WIPF1: variants seen among roughly 807,000 people sequenced by gnomAD.
The protein encoded by WIPF1 is WAS/WASL-interacting protein family member 1.
WIPF1 carries 13 observed loss-of-function variants against 35.4 expected under a neutral mutation model. The ratio of observed to expected loss-of-function variants is 0.37; its 90% CI spans 0.24 to 0.58. The LOEUF (loss-of-function observed/expected upper bound fraction) is 0.58, where lower values mean the gene tolerates loss of function less well. Among genes scored for constraint, WIPF1 ranks in the 20% least tolerant of loss-of-function variants. WIPF1 has a pLI of 0.74. For missense variants in WIPF1, 591 were observed against 667.0 expected (o/e 0.89, Z 1.25); for synonymous variants, 267 against 266.3 (o/e 1.00, Z -0.02).
At position 174,571,396 on chromosome 2, in the gene WIPF1, ATG is replaced by A; in HGVS notation, c.1129+278_1129+279del. 1 of 606,754 alleles carries A rather than the reference ATG, an allele frequency of 1.6e-6. No individual in the cohort carries two copies. The highest frequency in any genetic ancestry group is 2.9e-6 in the Non-Finnish European group (1 of 342,184). The allele number at this position is 606,754 out of a possible 1,614,324, so 37.6% of individuals were successfully genotyped here. A position where few individuals can be genotyped will look rare whatever the true frequency, so the allele number is the denominator to read the frequency against. ...GGCAAGTACACTTCAGAGATGGAAG[ATG>A]AAAGTTCTTGCCTCTTCTTTATTAA... On this transcript the variant is annotated intron_variant, in intron 5 of 7. Transcript: ENST00000679041. This position sits in a 1 kb window ranked among gnomAD's most constrained non-coding sequence, Gnocchi z 4.6.
intron 1 of WIPF1, among the ~76,000 whole-genome samples, chr2:174,671,082 C>T (rs1688008366): frequency 6.6e-6 from 1 of 152,166 alleles, no homozygotes; most frequent in African/African-American, 2.4e-5. Context: ...TACATGTGTG[C>T]AGATGCAACT....
intron 1 of WIPF1, among the ~76,000 whole-genome samples, chr2:174,670,019 T>C (rs1041778268): frequency 2.6e-5 from 4 of 152,154 alleles, no homozygotes; most frequent in African/African-American, 7.2e-5. Context: ...GGGAGGGCAC[T>C]CTTGCAAGAG....
intron 1 of WIPF1, among the ~76,000 whole-genome samples, chr2:174,659,947 A>C (rs947511358): frequency 4.0e-5 from 6 of 151,512 alleles, no homozygotes; most frequent in Admixed American, 3.3e-4. Flanking sequence ...TTGTCACTCC[A>C]GCGTAATTAT....
chr2:174,609,497 C>T (rs1686278418), intron 1 of WIPF1, among the ~76,000 whole-genome samples: 2 of 152,164 alleles, frequency 1.3e-5, no homozygotes, highest in African/African-American at 4.8e-5. Context: ...TCACACCCAC[C>T]GTGATCCTAC....
Position 174,572,360 on chromosome 2 carries a change from T to G in WIPF1, c.445A>C (p.Arg149=). 6.2e-7 allele frequency: 1 copy of G among 1,614,006 alleles called. No individual in the cohort carries two copies. The highest frequency in any genetic ancestry group is 8.5e-7 in the Non-Finnish European group (1 of 1,179,986). Reference sequence around the variant, plus strand: ...TGGCCTGGAGAAGGCACAGGAAACCTCCCTGGGCCACTTGGGGGTGAAAAG... The same window carrying G: ...TGGCCTGGAGAAGGCACAGGAAACCGCCCTGGGCCACTTGGGGGTGAAAAG... ...KPFSPPSGPG[R]FPVPSPGHRS... is the part of the protein sequence containing the mutation. Residue 149 remains arginine (R), a synonymous_variant, in exon 5 of 8, where the codon AGG becomes CGG. Coordinates refer to ENST00000679041, the MANE Select transcript of WIPF1 (RefSeq NM_001375834.1).
chr2:174,576,428 CTATTG>C (rs1218845017), intron 3 of WIPF1, among the ~76,000 whole-genome samples: 2 of 152,016 alleles, frequency 1.3e-5, no homozygotes, highest in Admixed American at 6.5e-5. Flanking sequence ...TTAAAGGATT[CTATTG>C]TATTGTAGAA....
intron 1 of WIPF1, among the ~76,000 whole-genome samples, chr2:174,677,473 A>T (rs924196439): frequency 1.8e-4 from 28 of 152,330 alleles, no homozygotes; most frequent in Admixed American, 1.6e-3. Flanking sequence ...GGATAGGGTG[A>T]ATTTCAAGCC....
chr2:174,584,877 T>C, intron 2 of WIPF1, among the ~76,000 whole-genome samples: 1 of 149,620 alleles, frequency 6.7e-6, no homozygotes, highest in Non-Finnish European at 1.5e-5. Context: ...GCCATTGCAC[T>C]CCAGCCTGGG....
At chr2:174,621,968 G>A (rs1307682859) in intron 1 of WIPF1, among the ~76,000 whole-genome samples, 3 of 152,162 alleles carry the variant, frequency 2.0e-5, no homozygotes, top group Non-Finnish European at 4.4e-5. Flanking sequence ...AGAACAATGA[G>A]GAAGCCCGCT....
chr2:174,653,761 A>AT (rs1687587118), intron 1 of WIPF1, among the ~76,000 whole-genome samples: 1 of 151,586 alleles, frequency 6.6e-6, no homozygotes. Flanking sequence ...AAAAAAAAAA[A>AT]AGAAACAGAG....
rs139293991 is a variant in WIPF1 at position 174,681,199 on chromosome 2, C to T, written c.-39+1575G>A. On this transcript the variant is annotated intron_variant, in intron 1 of 8. Coordinates refer to the WIPF1 transcript ENST00000272746. ...AGTCCCAGGGAGGAAGACAATATTA[C>T]GGAACTGGTTTCATAACATCTGCAG... Among the ~76,000 whole-genome samples the T allele has an allele frequency of 8.2e-3, 1,243 of 152,302 alleles. 7 individuals carry two copies. Among genetic ancestry groups the T allele is most frequent in the Non-Finnish European group, 0.013 (886 of 68,024 alleles).
At chr2:174,593,045 G>C (rs1685674491) in intron 1 of WIPF1, among the ~76,000 whole-genome samples, 1 of 148,670 alleles carries the variant, frequency 6.7e-6, no homozygotes, top group Non-Finnish European at 1.5e-5. Flanking sequence ...TTATATTGTA[G>C]AGAATACAAA....
rs753631604 is a variant in WIPF1, at chr2:174,572,051, G to A, written c.754C>T (p.Leu252=). 6.4e-7 allele frequency: 1 copy of A among 1,552,118 alleles called. No individual in the cohort carries two copies. The highest frequency in any genetic ancestry group is 8.7e-7 in the Non-Finnish European group (1 of 1,151,496). Residue 252 remains leucine, a synonymous_variant, in exon 5 of 8, where the codon CTG becomes TTG. Transcript: ENST00000679041. ...AAGGCCCTGCTGGGGGTAGGCGGCA[G>A]GGGAGGCCGGTTGGAGAAGGGCGAG... ...SSSPFSNRPP[L]PPTPSRALDD... is the part of the protein sequence containing the mutation.
chr2:174,634,637 C>T (rs557923491), intron 1 of WIPF1: 1 of 152,338 alleles, frequency 6.6e-6, no homozygotes, highest in South Asian at 2.1e-4. Context: ...TTCTTTGACT[C>T]GCCTCCCTAA....
At chr2:174,582,650 TG>T in intron 2 of WIPF1, among the ~76,000 whole-genome samples, 1 of 152,310 alleles carries the variant, frequency 6.6e-6, no homozygotes, top group Middle Eastern at 3.4e-3. Flanking sequence ...CTCGAACTCT[TG>T]GGCTCAAGTG....
chr2:174,607,179 G>T (rs56269872), intron 1 of WIPF1, among the ~76,000 whole-genome samples: 1 of 151,914 alleles, frequency 6.6e-6, no homozygotes, highest in Non-Finnish European at 1.5e-5. Context: ...TGAGGCAGGC[G>T]GATCACGAGG....
Position 174,571,947 on chromosome 2 carries a change from A to G in WIPF1, c.858T>C (p.Pro286=), listed in dbSNP as rs1684868105. ...GCACTGGAGGCTTGTTGTTCTGAGG[A>G]GGAGGAGGGGGAACCGCTTCCCTGT... is the stretch of plus-strand genomic sequence containing the variant. ...SIHREAVPPP[P]PQNNKPPVPS... is the part of the protein sequence containing the mutation. The change falls in exon 5 of 8, where the codon CCT becomes CCC. Residue 286 remains proline, a synonymous_variant. Transcript: ENST00000679041. This position sits in a 1 kb window ranked among gnomAD's most constrained non-coding sequence, Gnocchi z 4.6. The G allele has an allele frequency of 1.3e-6, 2 of 1,584,346 alleles. No individual in the cohort carries two copies. The highest frequency in any genetic ancestry group is 1.7e-6 in the Non-Finnish European group (2 of 1,166,264).
At chr2:174,646,915 A>G (rs1037996560) in intron 1 of WIPF1, among the ~76,000 whole-genome samples, 19 of 152,216 alleles carry the variant, frequency 1.2e-4, no homozygotes, top group Admixed American at 1.2e-3. Flanking sequence ...ACGCAGAGCC[A>G]TGAACTTTAT....
At chr2:174,661,061 A>G (rs1687748734) in intron 1 of WIPF1, among the ~76,000 whole-genome samples, 1 of 152,218 alleles carries the variant, frequency 6.6e-6, no homozygotes, top group South Asian at 2.1e-4. Context: ...TCCGGCTCAC[A>G]GCAGACTGAT....
Sources: allele counts gnomAD v4.1 joint callset (sites outside exome capture counted in the v4.1 genomes callset), GRCh38; gene constraint gnomAD v4.1.1; non-coding constraint Gnocchi (gnomAD v3.1); transcripts MANE v1.5; gene names NCBI Gene and HGNC (gene_info 2026-07-23, HGNC 2026-07-21).